WNK1: variants seen among roughly 807,000 people sequenced by gnomAD.
WNK1 encodes serine/threonine-protein kinase WNK1.
Under a neutral mutation model 222.8 loss-of-function variants are expected in WNK1, and 38 were observed. The ratio of observed to expected loss-of-function variants is 0.17; its 90% CI spans 0.13 to 0.22. WNK1 has a LOEUF of 0.22. WNK1 is among the 10% of genes least tolerant of loss of function. WNK1 has a pLI of 1.00. For missense variants in WNK1, 2,348 were observed against 2,918.4 expected (o/e 0.80, Z 4.50); for synonymous variants, 1,090 against 1,092.9 (o/e 1.00, Z 0.05).
rs755068368 is a variant in WNK1 at position 889,951 on chromosome 12, C to CTTT, written c.5449-486_5449-484dup. On this transcript the variant is annotated intron_variant, in intron 21 of 27. Coordinates refer to ENST00000315939, the MANE Select transcript of WNK1 (RefSeq NM_018979.4). ...AGAAATTCATTCTTTTAAAATGTAC[C>CTTT]TTTTTTTTTTTTTTTTTTGAGACAG... Among the ~76,000 whole-genome samples, 288 of 130,408 alleles carry CTTT rather than the reference C, an allele frequency of 2.2e-3. 2 individuals carry two copies. Among genetic ancestry groups the CTTT allele is most frequent in the Admixed American group, 3.0e-3 (37 of 12,408 alleles). The allele number at this position is 130,408 out of a possible 152,430, so 85.6% of individuals were successfully genotyped here. A position where few individuals can be genotyped will look rare whatever the true frequency, so the allele number is the denominator to read the frequency against.
intron 25 of WNK1, 61 bp from the exon 26 acceptor site, chr12:900,415 G>A (rs1955157647): frequency 1.3e-6 from 2 of 1,576,204 alleles, no homozygotes. Context: ...TAAGAACAGT[G>A]CCTGATGAGT....
intron 5 of WNK1, among the ~76,000 whole-genome samples, chr12:857,665 C>T (rs796412952): frequency 3.9e-5 from 6 of 152,338 alleles, no homozygotes; most frequent in African/African-American, 1.4e-4. Flanking sequence ...GATTTGCCGT[C>T]CTTACGCCAG....
Position 879,866 on chromosome 12 carries a change from A to C in WNK1, c.2667A>C (p.Ser889=). 1.2e-6 allele frequency: 2 copies of C among 1,614,138 alleles called. No individual in the cohort carries two copies. The highest frequency in any genetic ancestry group is 4.5e-5 in the East Asian group (2 of 44,882). Residue 889 remains serine, a synonymous_variant, in exon 11 of 28, where the codon TCA becomes TCC. Coordinates refer to ENST00000315939, the MANE Select transcript of WNK1 (RefSeq NM_018979.4). ...CAACAGCTGCGATCCCGGGGGTATCAACTGTGGTTCCTAGTCAGCTTCCAA... is the reference window on the plus strand; with the variant it reads ...CAACAGCTGCGATCCCGGGGGTATCCACTGTGGTTCCTAGTCAGCTTCCAA... ...SATTAAIPGV[S]TVVPSQLPTL... is the part of the protein sequence containing the mutation.
chr12:793,790 T>C (rs751449374), intron 1 of WNK1, among the ~76,000 whole-genome samples: 6 of 152,200 alleles, frequency 3.9e-5, no homozygotes, highest in Non-Finnish European at 7.4e-5. Context: ...ATTCACATAC[T>C]ATACAATTCA....
At chr12:791,115 A>G (rs968797560) in intron 1 of WNK1, among the ~76,000 whole-genome samples, 5 of 152,106 alleles carry the variant, frequency 3.3e-5, no homozygotes, top group African/African-American at 7.2e-5. Flanking sequence ...GGATTGGCAG[A>G]TCGTAGTAAA....
At chr12:814,186 G>T (rs1405687604) in intron 2 of WNK1, among the ~76,000 whole-genome samples, 1 of 151,368 alleles carries the variant, frequency 6.6e-6, no homozygotes, top group African/African-American at 2.5e-5. Context: ...AAAATTAGCC[G>T]GGCATGGTGG....
intron 19 of WNK1, 120 bp from the exon 20 acceptor site, chr12:887,101 G>A (rs1953734973): frequency 2.2e-6 from 2 of 924,460 alleles, no homozygotes; most frequent in South Asian, 2.7e-5. Flanking sequence ...TGATAAACAT[G>A]TCTTAACTAT....
rs542500631 is a variant in WNK1, at chr12:894,122, G to A, written c.5510-440G>A. ...AATCCCAGCTACTCAGGAGGCTGAG[G>A]CAGGAGGATCACCTGAACCCAGTAG... is the stretch of plus-strand genomic sequence containing the variant. On this transcript the variant is annotated intron_variant, in intron 22 of 27. Transcript: ENST00000315939. 1.3e-4 allele frequency among the ~76,000 whole-genome samples: 20 copies of A among 152,208 alleles called. No homozygotes were observed. In the South Asian group the frequency reaches 4.1e-3, roughly 32 times the overall value.
chr12:764,682 G>A (rs1016047252), intron 1 of WNK1, among the ~76,000 whole-genome samples: 1 of 138,402 alleles, frequency 7.2e-6, no homozygotes, highest in East Asian at 2.0e-4. Flanking sequence ...CATTCCCACT[G>A]AGAAACAGCC....
intron 4 of WNK1, among the ~76,000 whole-genome samples, chr12:834,845 A>T (rs774421179): frequency 6.6e-6 from 1 of 152,174 alleles, no homozygotes; most frequent in East Asian, 1.9e-4. Flanking sequence ...AACATCTATG[A>T]AACTTTGAAC....
At chr12:795,890 C>T (rs1037506251) in intron 1 of WNK1, among the ~76,000 whole-genome samples, 2 of 151,904 alleles carry the variant, frequency 1.3e-5, no homozygotes, top group Non-Finnish European at 2.9e-5. Context: ...ATCTTCTTTT[C>T]TCCTTCTTCT....
chr12:772,467 A>C (rs1031337993), intron 1 of WNK1, among the ~76,000 whole-genome samples: 1 of 151,462 alleles, frequency 6.6e-6, no homozygotes. Context: ...GTGTATGTGT[A>C]TGTATGTATG....
At chr12:774,777 T>C (rs1462862958) in intron 1 of WNK1, among the ~76,000 whole-genome samples, 1 of 152,214 alleles carries the variant, frequency 6.6e-6, no homozygotes, top group Non-Finnish European at 1.5e-5. Context: ...AGTTTATGTC[T>C]GCAGAACTTC....
rs1243153987 is a variant in WNK1 at position 878,209 on chromosome 12, T to C, written c.2224-3T>C. Reference sequence around the variant, plus strand: ...AAACTGAATCATTGTATTTTATTCTTAGCAGCAGGGAATACAGCAGACAGC... The same window carrying C: ...AAACTGAATCATTGTATTTTATTCTCAGCAGCAGGGAATACAGCAGACAGC... On this transcript the variant is annotated splice_polypyrimidine_tract_variant and splice_region_variant and intron_variant, in intron 9 of 27. Transcript: ENST00000315939. The C allele has an allele frequency of 1.2e-6, 2 of 1,614,136 alleles. No individual in the cohort carries two copies. The highest frequency in any genetic ancestry group is 2.2e-5 in the East Asian group (1 of 44,880).
At chr12:793,620 C>T (rs1048597288) in intron 1 of WNK1, among the ~76,000 whole-genome samples, 3 of 152,128 alleles carry the variant, frequency 2.0e-5, no homozygotes, top group Non-Finnish European at 4.4e-5. Flanking sequence ...CATTTCTTCT[C>T]ACTATATGTA....
intron 2 of WNK1, among the ~76,000 whole-genome samples, chr12:823,099 T>C (rs1177269876): frequency 6.6e-6 from 1 of 152,214 alleles, no homozygotes; most frequent in Non-Finnish European, 1.5e-5. Flanking sequence ...ACTTTAAATA[T>C]GTCATCCCAC....
intron 11 of WNK1, 90 bp downstream of exon 11, chr12:880,121 A>T: frequency 8.2e-7 from 1 of 1,212,394 alleles, no homozygotes; most frequent in Non-Finnish European, 1.2e-6. Context: ...GAGTGTCAGA[A>T]TAACTAGCAA....
intron 19 of WNK1, 147 bp from the exon 20 acceptor site, chr12:887,074 C>G (rs1203571569): frequency 2.6e-6 from 2 of 767,846 alleles, no homozygotes; most frequent in Non-Finnish European, 4.5e-6. Flanking sequence ...AAGACAGATA[C>G]CAGAGAGTAA....
intron 4 of WNK1, among the ~76,000 whole-genome samples, chr12:830,800 TAACA>T (rs1565489843): frequency 1.3e-5 from 2 of 152,222 alleles, no homozygotes; most frequent in African/African-American, 4.8e-5. Context: ...CTGAAAAAAT[TAACA>T]ATCATTTCTG....
Sources: allele counts gnomAD v4.1 joint callset (sites outside exome capture counted in the v4.1 genomes callset), GRCh38; gene constraint gnomAD v4.1.1; transcripts MANE v1.5; gene names NCBI Gene and HGNC (gene_info 2026-07-23, HGNC 2026-07-21).